The following CASP8 variants were observed in gnomAD, a reference collection of about 807,000 sequenced individuals.
CASP8 encodes the protein caspase 8.
CASP8 carries 24 observed loss-of-function variants against 46.3 expected under a neutral mutation model. The ratio of observed to expected loss-of-function variants is 0.52; its 90% CI spans 0.38 to 0.73. The LOEUF (loss-of-function observed/expected upper bound fraction) is 0.73, where lower values mean the gene tolerates loss of function less well. Among genes scored for constraint, CASP8 ranks in the 30% least tolerant of loss-of-function variants. CASP8 has a pLI of 0.00. For missense variants in CASP8, 460 were observed against 559.0 expected (o/e 0.82, Z 1.79); for synonymous variants, 188 against 200.4 (o/e 0.94, Z 0.52).
chr2:201,255,547 C>G (rs1202473674), upstream of CASP8, among the ~76,000 whole-genome samples: 2 of 152,164 alleles, frequency 1.3e-5, no homozygotes, highest in Non-Finnish European at 2.9e-5. Context: ...TTCTGCTAGG[C>G]TGGGCCTGGG....
rs1948334744 is a variant in CASP8, at chr2:201,272,525, G to A, written c.412-113G>A. The A allele has an allele frequency of 8.5e-7, 1 of 1,179,606 alleles. No homozygotes were observed. The highest frequency in any genetic ancestry group is 2.8e-4 in the Middle Eastern group (1 of 3,632). The allele number at this position is 1,179,606 out of a possible 1,614,324, so 73.1% of individuals were successfully genotyped here. A position where few individuals can be genotyped will look rare whatever the true frequency, so the allele number is the denominator to read the frequency against. ...GACCAGCAGAAACTGTCAGAAACTTGGGAAGCAAGGGCAGGTCCTTGGTTG... is the reference window on the plus strand; with the variant it reads ...GACCAGCAGAAACTGTCAGAAACTTAGGAAGCAAGGGCAGGTCCTTGGTTG... On this transcript the variant is annotated intron_variant, in intron 3 of 8. Transcript: ENST00000673742. The surrounding 1 kb of genome is among the most constrained non-coding windows in gnomAD (Gnocchi z 4.4).
chr2:201,244,519 C>T (rs1438131615), intron 2 of CASP8, among the ~76,000 whole-genome samples: 1 of 152,156 alleles, frequency 6.6e-6, no homozygotes, highest in African/African-American at 2.4e-5. Context: ...TTCCGACTAT[C>T]CTCCAGGGAG....
chr2:201,235,897 A>G (rs957756379), intron 2 of CASP8, among the ~76,000 whole-genome samples: 2 of 152,244 alleles, frequency 1.3e-5, no homozygotes, highest in African/African-American at 4.8e-5. Flanking sequence ...ATTGCCTACA[A>G]TATTCAATAC....
chr2:201,238,512 G>A (rs948486137), intron 2 of CASP8, among the ~76,000 whole-genome samples: 2 of 151,722 alleles, frequency 1.3e-5, no homozygotes, highest in Non-Finnish European at 2.9e-5. Context: ...CGTAATCTTG[G>A]CTCACTGCAA....
chr2:201,243,828 T>A (rs1023754757), intron 2 of CASP8, among the ~76,000 whole-genome samples: 11 of 152,236 alleles, frequency 7.2e-5, no homozygotes, highest in Admixed American at 6.5e-4. Context: ...GGCTGAGTCC[T>A]GACTGCAGCT....
At chr2:201,238,819 G>A (rs910493441) in intron 2 of CASP8, among the ~76,000 whole-genome samples, 1 of 151,978 alleles carries the variant, frequency 6.6e-6, no homozygotes, top group African/African-American at 2.4e-5. Context: ...TCACAGAGGA[G>A]GATTTGGCAG....
chr2:201,235,957 A>G (rs546869409), intron 2 of CASP8, among the ~76,000 whole-genome samples: 1 of 152,348 alleles, frequency 6.6e-6, no homozygotes, highest in Admixed American at 6.5e-5. Context: ...TCTAGACCAT[A>G]TAGCCTAGGT....
chr2:201,277,515 A>G (rs1948711871), intron 7 of CASP8, among the ~76,000 whole-genome samples: 1 of 152,264 alleles, frequency 6.6e-6, no homozygotes, highest in Non-Finnish European at 1.5e-5. Context: ...TGACTACAAC[A>G]ACAAAAAATA....
At chr2:201,240,768 C>T (rs999925850) in intron 2 of CASP8, 5 of 152,144 alleles carry the variant, frequency 3.3e-5, no homozygotes, top group Admixed American at 2.0e-4. Context: ...CAAGGTAGAT[C>T]ACAAGTTGGG....
intron 2 of CASP8, among the ~76,000 whole-genome samples, chr2:201,254,715 C>A (rs1168775085): frequency 6.6e-6 from 1 of 152,124 alleles, no homozygotes; most frequent in Non-Finnish European, 1.5e-5. Flanking sequence ...ACTTACAGGT[C>A]CAAATCTGCT....
In CASP8 at chr2:201,266,263, C is replaced by A. The variant is rs1445500384; in HGVS notation, c.-26-198C>A. On this transcript the variant is annotated intron_variant, in intron 1 of 8. Coordinates refer to ENST00000673742, the MANE Select transcript of CASP8 (RefSeq NM_001372051.1). This position sits in a 1 kb window ranked among gnomAD's most constrained non-coding sequence, Gnocchi z 5.7. Reference sequence around the variant, plus strand: ...AAAGTGTTGGGATTAGAGGCGTGAGCCACCGCGCCCAGCCCATTGGCTTGT... The same window carrying A: ...AAAGTGTTGGGATTAGAGGCGTGAGACACCGCGCCCAGCCCATTGGCTTGT... Among the ~76,000 whole-genome samples, 1 of 152,202 alleles carries A rather than the reference C, an allele frequency of 6.6e-6. No homozygotes were observed.
intron 2 of CASP8, among the ~76,000 whole-genome samples, chr2:201,251,886 CAG>C (rs1175421091): frequency 6.6e-6 from 1 of 151,072 alleles, no homozygotes. Flanking sequence ...GCCTGGGAGA[CAG>C]AGTGAGACTC....
Position 201,287,522 on chromosome 2 carries a change from T to TAC in CASP8, c.*929_*930insCA. The TAC allele has an allele frequency of 6.5e-6, 1 of 154,782 alleles. No individual in the cohort carries two copies. The highest frequency in any genetic ancestry group is 2.0e-4 in the South Asian group (1 of 4,924). 9.6% of individuals were successfully genotyped at this position (154,782 alleles called of 1,614,324 possible). A position where few individuals can be genotyped will look rare whatever the true frequency, so the allele number is the denominator to read the frequency against. On this transcript the variant is annotated 3_prime_UTR_variant, in exon 9 of 9. Transcript: ENST00000673742. ...TTATGCCTTCTTATTGCTTTTATGA[T>TAC]ATATATATGCTTGGCTAACTATATT...
chr2:201,269,465 C>T (rs1203221250), intron 2 of CASP8: 1 of 1,370,558 alleles, frequency 7.3e-7, no homozygotes, highest in Non-Finnish European at 1.0e-6. Flanking sequence ...ACAAGGAAAG[C>T]CGAGGGGGGT....
In CASP8 at chr2:201,235,371, C is replaced by G. The variant is rs35392215; in HGVS notation, c.-27+1259C>G. Reference sequence around the variant, plus strand: ...AAAATGTATTCTGGAAGGTACTTTTCTTAAAATTACAGTATTTAGTCCATT... The same window carrying G: ...AAAATGTATTCTGGAAGGTACTTTTGTTAAAATTACAGTATTTAGTCCATT... On this transcript the variant is annotated intron_variant, in intron 2 of 6. Coordinates refer to the CASP8 transcript ENST00000264274. 9.3e-4 allele frequency among the ~76,000 whole-genome samples: 142 copies of G among 152,050 alleles called. 3 individuals are homozygous for G. The East Asian group carries it at 0.025, about 27-fold the overall frequency.
chr2:201,273,029 C>T lies in CASP8; in HGVS notation c.595+87C>T. On this transcript the variant is annotated intron_variant, in intron 5 of 8. Coordinates refer to ENST00000673742, the MANE Select transcript of CASP8 (RefSeq NM_001372051.1). Reference sequence around the variant, plus strand: ...CCTCCCCACAGCCTTCTACCACATGCACATCTTAACGTGCCTGCTCTACTT... The same window carrying T: ...CCTCCCCACAGCCTTCTACCACATGTACATCTTAACGTGCCTGCTCTACTT... 4 of 1,073,484 alleles carry T rather than the reference C, an allele frequency of 3.7e-6. No individual in the cohort carries two copies. In the South Asian group the frequency reaches 5.0e-5, roughly 13 times the overall value. The allele number at this position is 1,073,484 out of a possible 1,614,324, so 66.5% of individuals were successfully genotyped here. A position where few individuals can be genotyped will look rare whatever the true frequency, so the allele number is the denominator to read the frequency against.
Position 201,271,502 on chromosome 2 carries a change from A to G in CASP8, c.306-14A>G. On this transcript the variant is annotated splice_polypyrimidine_tract_variant and intron_variant, in intron 2 of 8. Transcript: ENST00000673742. ...GGGAAAAGATTTCTAAAGTGTCTCCATTTCCCACCACAGGGTCATGCTCTA... is the reference window on the plus strand; with the variant it reads ...GGGAAAAGATTTCTAAAGTGTCTCCGTTTCCCACCACAGGGTCATGCTCTA... The G allele has an allele frequency of 2.7e-6, 4 of 1,482,158 alleles. No individual in the cohort carries two copies. Among genetic ancestry groups the G allele is most frequent in the Non-Finnish European group, 2.8e-6 (3 of 1,059,590 alleles). 91.8% of individuals were successfully genotyped at this position (1,482,158 alleles called of 1,614,324 possible).
chr2:201,278,310 C>T (rs1021533000), intron 7 of CASP8: 1 of 152,046 alleles, frequency 6.6e-6, no homozygotes, highest in African/African-American at 2.4e-5. Flanking sequence ...AGTAGGAGAC[C>T]CAGCTGCAGA....
At chr2:201,278,410 T>C (rs923086521) in intron 7 of CASP8, among the ~76,000 whole-genome samples, 1 of 152,222 alleles carries the variant, frequency 6.6e-6, no homozygotes, top group Admixed American at 6.5e-5. Context: ...ATTCCACATT[T>C]CCAAAGGATC....
Sources: gnomAD v4.1 joint callset for allele counts (sites outside exome capture counted in the v4.1 genomes callset) on GRCh38, gnomAD v4.1.1 for gene constraint, Gnocchi (gnomAD v3.1) non-coding constraint, MANE v1.5 for transcripts, NCBI Gene and HGNC (gene_info 2026-07-23, HGNC 2026-07-21) for gene names.